PITPNB: variants seen among roughly 807,000 people sequenced by gnomAD.
PITPNB encodes the protein phosphatidylinositol transfer protein beta isoform.
Under a neutral mutation model 45.9 loss-of-function variants are expected in PITPNB, and 16 were observed. The observed-to-expected ratio is 0.35, with a 90% CI of 0.24 to 0.53. The LOEUF (loss-of-function observed/expected upper bound fraction) is 0.53, where lower values mean the gene tolerates loss of function less well. Among genes scored for constraint, PITPNB ranks in the 20% least tolerant of loss-of-function variants. PITPNB has a pLI of 0.93. For missense variants in PITPNB, 188 were observed against 330.5 expected (o/e 0.57, Z 3.34); for synonymous variants, 112 against 108.9 (o/e 1.03, Z -0.18).
At chr22:27,894,919 TAACTA>T (rs1466639899) in intron 6 of PITPNB, among the ~76,000 whole-genome samples, 2 of 152,204 alleles carry the variant, frequency 1.3e-5, no homozygotes, top group East Asian at 3.8e-4. Context: ...ATGATTTATG[TAACTA>T]AATATACGAG....
intron 4 of PITPNB, 146 bp from the exon 5 acceptor site, chr22:27,897,283 AAC>A (rs1935463169): frequency 1.4e-6 from 1 of 720,968 alleles, no homozygotes; most frequent in East Asian, 2.5e-5. Flanking sequence ...ATGTCTGCAA[AAC>A]AGTTTCCACA....
At chr22:27,895,718 A>ATAAT (rs1219137966) in intron 6 of PITPNB, among the ~76,000 whole-genome samples, 1 of 152,248 alleles carries the variant, frequency 6.6e-6, no homozygotes, top group Admixed American at 6.5e-5. Flanking sequence ...GAGCACCGTA[A>ATAAT]TAGAACAGTA....
intron 8 of PITPNB, among the ~76,000 whole-genome samples, chr22:27,861,107 G>A (rs1934317723): frequency 6.6e-6 from 1 of 151,236 alleles, no homozygotes; most frequent in Non-Finnish European, 1.5e-5. Flanking sequence ...GAGGTGGGCA[G>A]ATCACTTGAG....
At chr22:27,910,193 GCCCGCCTCAGCCT>G (rs1272271929) in intron 3 of PITPNB, among the ~76,000 whole-genome samples, 2 of 151,864 alleles carry the variant, frequency 1.3e-5, no homozygotes, top group Non-Finnish European at 2.9e-5. Context: ...CTCGTAATCT[GCCCGCCTCAGCCT>G]CCCAAAGTGC....
Position 27,854,863 on chromosome 22 carries a change from C to T in PITPNB, c.*29G>A. On this transcript the variant is annotated 3_prime_UTR_variant, in exon 11 of 12. Transcript: ENST00000335272. The stretch of plus-strand genomic sequence containing the variant: ...CCAGGTCTTCACTTACACAGTTTGA[C>T]ATTGTCTCTGACCCTACAGGGGACT... The T allele has an allele frequency of 6.2e-7, 1 of 1,608,422 alleles. No individual in the cohort carries two copies. Among genetic ancestry groups the T allele is most frequent in the African/African-American group, 1.3e-5 (1 of 74,960 alleles).
chr22:27,900,067 G>C (rs905762921), intron 3 of PITPNB, among the ~76,000 whole-genome samples: 9 of 152,122 alleles, frequency 5.9e-5, no homozygotes, highest in African/African-American at 1.9e-4. Flanking sequence ...GCCGGGCATG[G>C]TGGTGGGTGC....
chr22:27,896,942 T>G, intron 5 of PITPNB, 188 bp downstream of exon 5: 1 of 635,926 alleles, frequency 1.6e-6, no homozygotes. Context: ...TAGGGAGATT[T>G]TGAGACAAGG....
chr22:27,883,591 C>T (rs1240709341), intron 7 of PITPNB, among the ~76,000 whole-genome samples: 1 of 152,248 alleles, frequency 6.6e-6, no homozygotes, highest in African/African-American at 2.4e-5. Flanking sequence ...ATTTGCATTT[C>T]TAATAAGCTG....
chr22:27,889,861 T>C (rs1337163420), intron 7 of PITPNB, among the ~76,000 whole-genome samples: 2 of 152,236 alleles, frequency 1.3e-5, no homozygotes, highest in African/African-American at 2.4e-5. Flanking sequence ...CTCTACACTG[T>C]AGACTAGAAT....
chr22:27,862,073 C>T (rs948054439), intron 8 of PITPNB, among the ~76,000 whole-genome samples: 1 of 152,128 alleles, frequency 6.6e-6, no homozygotes, highest in Non-Finnish European at 1.5e-5. Context: ...CACGGTGGTG[C>T]CCAGACTTCA....
At chr22:27,908,073 A>C (rs886794589) in intron 3 of PITPNB, among the ~76,000 whole-genome samples, 1 of 151,746 alleles carries the variant, frequency 6.6e-6, no homozygotes, top group African/African-American at 2.4e-5. Flanking sequence ...CCGGAATAAG[A>C]ATATCTCTTG....
chr22:27,857,980 G>A (rs886249735), intron 10 of PITPNB, among the ~76,000 whole-genome samples: 10 of 151,676 alleles, frequency 6.6e-5, no homozygotes, highest in African/African-American at 1.5e-4. Flanking sequence ...CAAAAAAAGC[G>A]AACTAGGACT....
intron 1 of PITPNB, among the ~76,000 whole-genome samples, chr22:27,914,856 A>T (rs1342717020): frequency 6.6e-6 from 1 of 152,218 alleles, no homozygotes; most frequent in Non-Finnish European, 1.5e-5. Context: ...GAGAAAAATA[A>T]GGAGTCGTGT....
chr22:27,902,822 G>A (rs1174327179), intron 3 of PITPNB, among the ~76,000 whole-genome samples: 6 of 152,122 alleles, frequency 3.9e-5, no homozygotes, highest in Non-Finnish European at 8.8e-5. Flanking sequence ...GGGCTCAAGC[G>A]ATTCTCCCAC....
intron 3 of PITPNB, among the ~76,000 whole-genome samples, chr22:27,898,463 G>C (rs2146405503): frequency 6.6e-6 from 1 of 150,678 alleles, no homozygotes; most frequent in East Asian, 2.0e-4. Flanking sequence ...TATTTCTTAA[G>C]AACTTCTGAT....
intron 11 of PITPNB, among the ~76,000 whole-genome samples, chr22:27,854,116 G>A (rs1934105919): frequency 6.6e-6 from 1 of 152,050 alleles, no homozygotes; most frequent in Non-Finnish European, 1.5e-5. Flanking sequence ...AGTGGAGGGA[G>A]GGGAGTGCTA....
intron 8 of PITPNB, 171 bp from the exon 9 acceptor site, chr22:27,860,412 C>T: frequency 3.8e-6 from 2 of 528,598 alleles, no homozygotes; most frequent in Non-Finnish European, 3.4e-6. Context: ...CCGCAGTATT[C>T]CCCTGCTGTA....
chr22:27,857,359 C>T (rs1934202497), intron 10 of PITPNB, among the ~76,000 whole-genome samples: 1 of 152,072 alleles, frequency 6.6e-6, no homozygotes, highest in Non-Finnish European at 1.5e-5. Flanking sequence ...TGTCCTAGTC[C>T]TCTCAGAAGG....
chr22:27,867,606 G>C (rs982140833), intron 8 of PITPNB, among the ~76,000 whole-genome samples: 2 of 152,186 alleles, frequency 1.3e-5, no homozygotes, highest in Admixed American at 1.3e-4. Context: ...TATGTTAAAT[G>C]CTTCATGCTT....
Sources: allele counts gnomAD v4.1 joint callset (sites outside exome capture counted in the v4.1 genomes callset), GRCh38; gene constraint gnomAD v4.1.1; transcripts MANE v1.5; gene names NCBI Gene and HGNC (gene_info 2026-07-23, HGNC 2026-07-21).